Variants in LYPLAL1 observed in about 807,000 individuals in gnomAD.
LYPLAL1 encodes the protein lysophospholipase like 1.
In LYPLAL1, 23 loss-of-function variants were observed where a neutral mutation model predicts 19.7. The ratio of observed to expected loss-of-function variants is 1.17; its 90% CI spans 0.84 to 1.65. The LOEUF (loss-of-function observed/expected upper bound fraction) is 1.65, where lower values mean the gene tolerates loss of function less well. Ranked by LOEUF, LYPLAL1 falls within the 40% of genes most tolerant of loss-of-function variation. LYPLAL1 has a pLI of 0.00. For synonymous variants in LYPLAL1, 119 were observed against 96.3 expected (o/e 1.24, Z -1.38); for missense variants, 355 against 279.4 (o/e 1.27, Z -1.93).
the LYPLAL1 span, among the ~76,000 whole-genome samples, chr1:219,239,759 ACT>A: frequency 8.5e-5 from 13 of 152,190 alleles, no homozygotes; most frequent in African/African-American, 1.9e-4. Flanking sequence ...CAATATTTTA[ACT>A]CTCTCCATAT....
the LYPLAL1 span, among the ~76,000 whole-genome samples, chr1:219,233,796 A>G: frequency 2.6e-5 from 4 of 151,842 alleles, no homozygotes; most frequent in Non-Finnish European, 5.9e-5. Context: ...GATAAATTTT[A>G]TGTTATGTGC....
At chr1:219,199,925 C>G in intron 3 of LYPLAL1, 1 of 231,336 alleles carries the variant, frequency 4.3e-6, no homozygotes, top group Non-Finnish European at 9.2e-6. Flanking sequence ...AGAGAAGGAG[C>G]CATCATCTTT....
At chr1:219,311,782 A>G in the LYPLAL1 span, among the ~76,000 whole-genome samples, 6 of 152,086 alleles carry the variant, frequency 3.9e-5, no homozygotes, top group Non-Finnish European at 8.8e-5. Flanking sequence ...TTAAGCACTG[A>G]TTTTGTACCT....
chr1:219,174,114 C>A, intron 1 of LYPLAL1, 133 bp downstream of exon 1: 1 of 1,479,094 alleles, frequency 6.8e-7, no homozygotes, highest in Non-Finnish European at 9.0e-7. Flanking sequence ...CGTCGCCAGC[C>A]CCGGCTGTAG....
the LYPLAL1 span, among the ~76,000 whole-genome samples, chr1:219,296,050 A>T: frequency 1.3e-5 from 2 of 152,190 alleles, no homozygotes; most frequent in Non-Finnish European, 2.9e-5. Flanking sequence ...TGTTAAATCA[A>T]TATCTGATAA....
chr1:219,384,235 G>C, the LYPLAL1 span, among the ~76,000 whole-genome samples: 2 of 152,196 alleles, frequency 1.3e-5, no homozygotes, highest in African/African-American at 4.8e-5. Context: ...ATCTTCCTTA[G>C]ACACCCATTA....
chr1:219,314,520 C>G, the LYPLAL1 span, among the ~76,000 whole-genome samples: 1 of 152,264 alleles, frequency 6.6e-6, no homozygotes, highest in African/African-American at 2.4e-5. Context: ...TCTCGGCTAG[C>G]TGCAAGCTCC....
At chr1:219,175,314 A>G (rs1040282264) in intron 1 of LYPLAL1, among the ~76,000 whole-genome samples, 1 of 152,180 alleles carries the variant, frequency 6.6e-6, no homozygotes, top group Non-Finnish European at 1.5e-5. Flanking sequence ...TTAAAGGGAA[A>G]GACGGCATAT....
chr1:219,255,477 T>A, the LYPLAL1 span, among the ~76,000 whole-genome samples: 2 of 151,998 alleles, frequency 1.3e-5, no homozygotes, highest in Non-Finnish European at 2.9e-5. Context: ...CTAAATTCAC[T>A]TATTAATTCT....
chr1:219,301,977 A>G, the LYPLAL1 span, among the ~76,000 whole-genome samples: 1 of 152,178 alleles, frequency 6.6e-6, no homozygotes, highest in Non-Finnish European at 1.5e-5. Context: ...AAAAGACAGA[A>G]TGAAAAAGAG....
At chr1:219,399,122 G>A in the LYPLAL1 span, among the ~76,000 whole-genome samples, 1 of 152,194 alleles carries the variant, frequency 6.6e-6, no homozygotes, top group Non-Finnish European at 1.5e-5. Flanking sequence ...CTGCCTCCAT[G>A]TGGGTGTTCA....
the LYPLAL1 span, among the ~76,000 whole-genome samples, chr1:219,395,886 G>A: frequency 1.2e-3 from 176 of 152,130 alleles, no homozygotes; most frequent in African/African-American, 4.0e-3. Flanking sequence ...GGCGGATCAC[G>A]AGCTCAGGAG....
At chr1:219,379,739 A>G in the LYPLAL1 span, among the ~76,000 whole-genome samples, 1 of 152,210 alleles carries the variant, frequency 6.6e-6, no homozygotes, top group Admixed American at 6.5e-5. Flanking sequence ...ATTCATTTGG[A>G]CAGATAATTG....
the LYPLAL1 span, among the ~76,000 whole-genome samples, chr1:219,230,556 T>C: frequency 1.4e-4 from 22 of 152,348 alleles, no homozygotes; most frequent in South Asian, 1.4e-3. Context: ...AAAAGAAAGA[T>C]ACAAGAAAAA....
the LYPLAL1 span, among the ~76,000 whole-genome samples, chr1:219,326,105 G>A: frequency 6.6e-6 from 1 of 151,980 alleles, no homozygotes; most frequent in African/African-American, 2.4e-5. Context: ...GTAGAGGCGG[G>A]GTTTCACCAT....
chr1:219,254,774 A>G, the LYPLAL1 span, among the ~76,000 whole-genome samples: 4 of 151,866 alleles, frequency 2.6e-5, no homozygotes, highest in Admixed American at 2.0e-4. Flanking sequence ...TCTTGTGTAG[A>G]ATCTTGCAGT....
chr1:219,420,814 C>G, the LYPLAL1 span, among the ~76,000 whole-genome samples: 1 of 152,092 alleles, frequency 6.6e-6, no homozygotes, highest in African/African-American at 2.4e-5. Context: ...CTAACTACCC[C>G]ATTACTATAA....
intron 2 of LYPLAL1, among the ~76,000 whole-genome samples, chr1:219,185,449 T>C (rs1656649253): frequency 6.6e-6 from 1 of 151,962 alleles, no homozygotes; most frequent in South Asian, 2.1e-4. Context: ...TTCTCACTAA[T>C]CATTACTGTA....
chr1:219,301,561 A>G, the LYPLAL1 span, among the ~76,000 whole-genome samples: 2 of 152,234 alleles, frequency 1.3e-5, no homozygotes, highest in Non-Finnish European at 2.9e-5. Context: ...AAGTAATTTT[A>G]TTTGCATTAT....
Sources: allele counts gnomAD v4.1 joint callset (sites outside exome capture counted in the v4.1 genomes callset), GRCh38; gene constraint gnomAD v4.1.1; transcripts MANE v1.5; gene names NCBI Gene and HGNC (gene_info 2026-07-23, HGNC 2026-07-21).